The following ANTXR1 variants were observed in gnomAD, a reference collection of about 807,000 sequenced individuals.
ANTXR1 encodes anthrax toxin receptor 1.
A neutral mutation model predicts 78.1 loss-of-function variants in ANTXR1; 19 were observed. The ratio of observed to expected loss-of-function variants is 0.24; its 90% confidence interval spans 0.17 to 0.36. ANTXR1 has a LOEUF of 0.36. Ranked by LOEUF, ANTXR1 falls within the 10% of genes least tolerant of loss-of-function variation. The pLI is 1.00. For missense variants in ANTXR1, 518 were observed against 718.6 expected, an observed-to-expected ratio of 0.72 and a Z score of 3.19; for synonymous variants, 273 against 260.5, an observed-to-expected ratio of 1.05 and a Z score of -0.46.
At chr2:69,041,101 T>C (rs952520146) in intron 2 of ANTXR1, among the ~76,000 whole-genome samples, 3 of 152,072 alleles carry the variant, frequency 2.0e-5, no homozygotes, top group Non-Finnish European at 4.4e-5. Context: ...AGGAAGCATC[T>C]AAACCCAGAT....
intron 6 of ANTXR1, among the ~76,000 whole-genome samples, chr2:69,074,399 G>A (rs78467190): frequency 0.013 from 1,912 of 152,278 alleles, 26 homozygotes; most frequent in South Asian, 0.042. Context: ...AATAAATGAT[G>A]GGGTGTCAGA....
chr2:69,018,252 C>T (rs935388005), intron 1 of ANTXR1, among the ~76,000 whole-genome samples: 32 of 152,176 alleles, frequency 2.1e-4, no homozygotes, highest in African/African-American at 7.5e-4. Flanking sequence ...TCCGACTCCC[C>T]CTGCCATTTC....
chr2:69,041,483 C>T (rs1450939130), intron 2 of ANTXR1, among the ~76,000 whole-genome samples: 28 of 152,224 alleles, frequency 1.8e-4, no homozygotes. Flanking sequence ...CTCTTCTGGG[C>T]TTCTGTTCTC....
At chr2:69,109,284 A>G (rs1433444091) in intron 10 of ANTXR1, among the ~76,000 whole-genome samples, 1 of 152,222 alleles carries the variant, frequency 6.6e-6, no homozygotes, top group Non-Finnish European at 1.5e-5. Flanking sequence ...GTAACTGAGT[A>G]TTGTAAAGAT....
intron 17 of ANTXR1, among the ~76,000 whole-genome samples, chr2:69,227,308 A>G (rs1675481368): frequency 6.6e-6 from 1 of 152,146 alleles, no homozygotes; most frequent in South Asian, 2.1e-4. Flanking sequence ...AAGTCCAGGA[A>G]ACAGTCCAGA....
chr2:69,084,619 T>C (rs961073353), intron 8 of ANTXR1, among the ~76,000 whole-genome samples: 4 of 131,840 alleles, frequency 3.0e-5, no homozygotes, highest in African/African-American at 8.7e-5. Context: ...TTTTTAGAGA[T>C]GGGGTCTTGC....
intron 13 of ANTXR1, among the ~76,000 whole-genome samples, chr2:69,166,547 G>A (rs1573948282): frequency 6.6e-6 from 1 of 152,220 alleles, no homozygotes; most frequent in East Asian, 1.9e-4. Context: ...GTGGTAGTAA[G>A]TGGGGAAGTG....
At chr2:69,124,268 T>C (rs930812597) in intron 11 of ANTXR1, among the ~76,000 whole-genome samples, 111 of 152,342 alleles carry the variant, frequency 7.3e-4, no homozygotes, top group African/African-American at 2.5e-3. Flanking sequence ...TAAATGAAAG[T>C]AAGCTTTGCC....
chr2:69,246,783 T>G lies in ANTXR1; in HGVS notation c.*1298T>G, dbSNP rs1408221056. The G allele has an allele frequency of 6.6e-6, 1 of 152,200 alleles. No individual in the cohort carries two copies. The highest frequency in any genetic ancestry group is 1.9e-4 in the East Asian group (1 of 5,194). 9.4% of individuals were successfully genotyped at this position (152,200 alleles called of 1,614,324 possible). On this transcript the variant is annotated 3_prime_UTR_variant, in exon 18 of 18. Coordinates refer to ENST00000303714, the MANE Select transcript of ANTXR1 (RefSeq NM_032208.3). ...AGCCCTATAATCACTTGCTAAACAC[T>G]GGGCTTCATCACCCAGGGATAAAAA...
intron 3 of ANTXR1, among the ~76,000 whole-genome samples, chr2:69,052,017 C>A (rs1477987998): frequency 6.6e-6 from 1 of 152,014 alleles, no homozygotes; most frequent in Admixed American, 6.6e-5. Flanking sequence ...ATTTCATTTG[C>A]ATCCTAGTAA....
intron 9 of ANTXR1, among the ~76,000 whole-genome samples, chr2:69,100,990 CT>C (rs1671595651): frequency 6.6e-6 from 1 of 152,180 alleles, no homozygotes; most frequent in South Asian, 2.1e-4. Context: ...GTCACCTTAG[CT>C]TTTGGATATG....
chr2:69,161,862 CA>C (rs1673691272), intron 13 of ANTXR1, among the ~76,000 whole-genome samples: 1 of 151,944 alleles, frequency 6.6e-6, no homozygotes, highest in African/African-American at 2.4e-5. Flanking sequence ...TTTAAAAGGC[CA>C]GGGGGGCAGC....
intron 9 of ANTXR1, 140 bp downstream of exon 9, chr2:69,091,059 C>A (rs999854452): frequency 2.6e-6 from 2 of 781,974 alleles, no homozygotes; most frequent in Non-Finnish European, 2.1e-6. Flanking sequence ...AAATTGCTAA[C>A]CAAATTTGCT....
At chr2:69,098,915 G>A (rs1030480144) in intron 9 of ANTXR1, among the ~76,000 whole-genome samples, 34 of 152,196 alleles carry the variant, frequency 2.2e-4, no homozygotes, top group African/African-American at 5.5e-4. Flanking sequence ...TAACTTAGGA[G>A]GCGGAGGTTG....
intron 15 of ANTXR1, 199 bp downstream of exon 15, chr2:69,182,080 G>A (rs913482320): frequency 1.1e-5 from 7 of 620,720 alleles, no homozygotes; most frequent in African/African-American, 3.7e-5. Flanking sequence ...GATATGGATT[G>A]TAAGGCAGAC....
At chr2:69,105,039 T>G (rs374567272) in intron 10 of ANTXR1, among the ~76,000 whole-genome samples, 41 of 152,262 alleles carry the variant, frequency 2.7e-4, no homozygotes, top group African/African-American at 9.4e-4. Context: ...TGAACTGAGA[T>G]CATGCCACTG....
chr2:69,224,761 G>GT (rs1232836479), intron 17 of ANTXR1, among the ~76,000 whole-genome samples: 1 of 152,166 alleles, frequency 6.6e-6, no homozygotes, highest in Admixed American at 6.5e-5. Flanking sequence ...TGAAAATGAC[G>GT]TAAGAGGCAG....
chr2:69,238,863 G>A (rs1413964082), intron 17 of ANTXR1, among the ~76,000 whole-genome samples: 1 of 152,188 alleles, frequency 6.6e-6, no homozygotes, highest in Non-Finnish European at 1.5e-5. Context: ...GGTTTAATCT[G>A]TGGAAGCCAT....
chr2:69,247,949 C>A lies in ANTXR1; in HGVS notation c.*2464C>A, dbSNP rs1041295198. On this transcript the variant is annotated 3_prime_UTR_variant, in exon 18 of 18. Coordinates refer to ENST00000303714, the MANE Select transcript of ANTXR1 (RefSeq NM_032208.3). Reference sequence around the variant, plus strand: ...GTATGATGATTTTGAAAAGGCTCAGCAGGATTTGTTCTTAAACCGACTCAG... The same window carrying A: ...GTATGATGATTTTGAAAAGGCTCAGAAGGATTTGTTCTTAAACCGACTCAG... The A allele has an allele frequency of 1.3e-5, 2 of 153,746 alleles. No homozygotes were observed. Among genetic ancestry groups the A allele is most frequent in the African/African-American group, 4.8e-5 (2 of 41,442 alleles). The allele number at this position is 153,746 out of a possible 1,614,324, so 9.5% of individuals were successfully genotyped here.
Sources: gnomAD v4.1 joint callset for allele counts (sites outside exome capture counted in the v4.1 genomes callset) on GRCh38, gnomAD v4.1.1 for gene constraint, MANE v1.5 for transcripts, NCBI Gene and HGNC (gene_info 2026-07-23, HGNC 2026-07-21) for gene names.